Variants in MCTP1 observed in about 807,000 individuals in gnomAD.
The protein encoded by MCTP1 is multiple C2 and transmembrane domain-containing protein 1.
Under a neutral mutation model 120.6 loss-of-function variants are expected in MCTP1, and 69 were observed. The observed-to-expected ratio is 0.57, with a 90% CI of 0.47 to 0.70. MCTP1 has a LOEUF of 0.70. MCTP1 is among the 30% of genes least tolerant of loss of function. The pLI, the probability that MCTP1 is intolerant of heterozygous loss-of-function variation, is 0.00. For synonymous variants in MCTP1, 529 were observed against 493.1 expected (o/e 1.07, Z -0.96); for missense variants, 1,203 against 1,248.8 (o/e 0.96, Z 0.55).
At chr5:94,732,028 T>G (rs1014175642) in intron 19 of MCTP1, among the ~76,000 whole-genome samples, 1 of 152,230 alleles carries the variant, frequency 6.6e-6, no homozygotes, top group Non-Finnish European at 1.5e-5. Context: ...TATAGAAAGC[T>G]ACCTAGTGGC....
chr5:95,207,836 A>T (rs1025704893), intron 1 of MCTP1, among the ~76,000 whole-genome samples: 8 of 151,872 alleles, frequency 5.3e-5, no homozygotes, highest in African/African-American at 1.7e-4. Flanking sequence ...AGAAATTAAC[A>T]ACGAGGAGAC....
At chr5:95,166,819 A>G (rs551212304) in intron 1 of MCTP1, among the ~76,000 whole-genome samples, 2 of 152,018 alleles carry the variant, frequency 1.3e-5, no homozygotes, top group East Asian at 1.9e-4. Flanking sequence ...CGCCCGCCTC[A>G]GCCTCCCAAA....
chr5:94,875,223 C>T (rs1044620069), intron 12 of MCTP1, among the ~76,000 whole-genome samples: 1 of 152,070 alleles, frequency 6.6e-6, no homozygotes, highest in African/African-American at 2.4e-5. Flanking sequence ...CAGAGAAAGT[C>T]GTGCTAAGAC....
At chr5:95,136,809 C>T (rs1486561019) in intron 1 of MCTP1, among the ~76,000 whole-genome samples, 1 of 152,196 alleles carries the variant, frequency 6.6e-6, no homozygotes, top group Non-Finnish European at 1.5e-5. Flanking sequence ...GTCTAGATGC[C>T]TTCAAGGCAG....
chr5:94,817,915 G>A (rs1165318366), intron 17 of MCTP1, among the ~76,000 whole-genome samples: 7 of 152,024 alleles, frequency 4.6e-5, no homozygotes, highest in Non-Finnish European at 7.3e-5. Context: ...GTTTCTGGTG[G>A]TGCCGGTTCC....
chr5:94,951,560 G>C (rs149009001), intron 3 of MCTP1, among the ~76,000 whole-genome samples: 58 of 152,158 alleles, frequency 3.8e-4, no homozygotes, highest in Non-Finnish European at 7.5e-4. Flanking sequence ...TTTCTTTCCT[G>C]ACCATTTTCT....
At chr5:95,109,301 T>C (rs1757296214) in intron 1 of MCTP1, among the ~76,000 whole-genome samples, 1 of 152,158 alleles carries the variant, frequency 6.6e-6, no homozygotes, top group African/African-American at 2.4e-5. Flanking sequence ...ATAAGAATGG[T>C]ATAAACTAGT....
intron 1 of MCTP1, among the ~76,000 whole-genome samples, chr5:95,130,403 A>G (rs1758953734): frequency 6.6e-6 from 1 of 152,200 alleles, no homozygotes; most frequent in South Asian, 2.1e-4. Context: ...GGGGAGTGAG[A>G]GAGACAGGTA....
At chr5:95,212,372 C>T (rs369971448) in intron 1 of MCTP1, among the ~76,000 whole-genome samples, 2 of 152,046 alleles carry the variant, frequency 1.3e-5, no homozygotes, top group Non-Finnish European at 2.9e-5. Context: ...CAATAATCAA[C>T]AGCTTACCAA....
At chr5:94,887,059 C>T (rs1801513760) in intron 12 of MCTP1, among the ~76,000 whole-genome samples, 1 of 152,040 alleles carries the variant, frequency 6.6e-6, no homozygotes, top group African/African-American at 2.4e-5. Flanking sequence ...TCTTTTTGCC[C>T]CTGAATAGTT....
intron 1 of MCTP1, among the ~76,000 whole-genome samples, chr5:95,140,620 A>T (rs1444896255): frequency 7.1e-6 from 1 of 139,920 alleles, no homozygotes; most frequent in Admixed American, 7.9e-5. Context: ...GTACTTCGGG[A>T]GGCCGAGGCG....
At chr5:95,275,469 CT>C (rs1759753625) in intron 1 of MCTP1, among the ~76,000 whole-genome samples, 1 of 152,146 alleles carries the variant, frequency 6.6e-6, no homozygotes, top group African/African-American at 2.4e-5. Context: ...TTGGTGGCCC[CT>C]GTGGGCATTG....
intron 17 of MCTP1, chr5:94,826,772 CTTTTTTTTTTTTTTTTT>C (rs61324420): frequency 4.4e-4 from 19 of 43,008 alleles, no homozygotes; most frequent in African/African-American, 1.6e-3. Context: ...GTGACCCCTG[CTTTTTTTTTTTTTTTTT>C]TTTTTTTTTT....
chr5:95,057,468 TA>T (rs1413764433), intron 1 of MCTP1, among the ~76,000 whole-genome samples: 1 of 152,208 alleles, frequency 6.6e-6, no homozygotes, highest in East Asian at 1.9e-4. Context: ...TATAATTTAC[TA>T]AAAAATTTAA....
chr5:95,200,837 C>A (rs1750928166), intron 1 of MCTP1, among the ~76,000 whole-genome samples: 2 of 152,140 alleles, frequency 1.3e-5, no homozygotes, highest in Non-Finnish European at 2.9e-5. Flanking sequence ...TGAGGTAATG[C>A]ATATGTTAAT....
At chr5:94,780,434 C>T (rs1431495580) in intron 18 of MCTP1, among the ~76,000 whole-genome samples, 1 of 152,070 alleles carries the variant, frequency 6.6e-6, no homozygotes, top group South Asian at 2.1e-4. Flanking sequence ...AAAAGCATAA[C>T]CCAAACACAA....
chr5:94,751,240 A>C (rs1426530357), intron 19 of MCTP1, among the ~76,000 whole-genome samples: 3 of 152,110 alleles, frequency 2.0e-5, no homozygotes, highest in African/African-American at 7.2e-5. Context: ...GCTATGAGTT[A>C]GGGGTTTAAA....
At chr5:94,739,402 C>A (rs1764998970) in intron 19 of MCTP1, 1 of 152,184 alleles carries the variant, frequency 6.6e-6, no homozygotes. Context: ...ACCGCAACAA[C>A]TTGTGGATCT....
At chr5:94,948,527 T>C (rs751904472) in intron 3 of MCTP1, among the ~76,000 whole-genome samples, 17 of 152,338 alleles carry the variant, frequency 1.1e-4, no homozygotes, top group Middle Eastern at 3.4e-3. Flanking sequence ...TTGAATCATG[T>C]GAAACAAAAC....
Sources: allele counts gnomAD v4.1 joint callset (sites outside exome capture counted in the v4.1 genomes callset), GRCh38; gene constraint gnomAD v4.1.1; transcripts MANE v1.5; gene names NCBI Gene and HGNC (gene_info 2026-07-23, HGNC 2026-07-21).